NXF1: variants seen among roughly 807,000 people sequenced by gnomAD.
The protein encoded by NXF1 is mRNA export factor TAP.
In NXF1, 43 loss-of-function variants were observed where a neutral mutation model predicts 92.4. That is an observed-to-expected ratio of 0.47 (90% CI 0.36 to 0.60). The LOEUF (loss-of-function observed/expected upper bound fraction) is 0.60, where lower values mean the gene tolerates loss of function less well. Among genes scored for constraint, NXF1 ranks in the 20% least tolerant of loss-of-function variants. NXF1 has a pLI of 0.00. For missense variants in NXF1, 576 were observed against 793.0 expected (o/e 0.73, Z 3.29); for synonymous variants, 288 against 292.2 (o/e 0.99, Z 0.15).
At position 62,803,953 on chromosome 11, in the gene NXF1, G is replaced by A. The variant is rs901577008; in HGVS notation, c.54C>T (p.Phe18=). The change falls in exon 2 of 21, where the codon TTC becomes TTT. Residue 18 remains phenylalanine (F), a synonymous_variant. Transcript: ENST00000294172. ...YSEHDDERVN[F]PQRKKKGRGP... ...CCCGGCCTTTCTTCTTTCTTTGAGG[G>A]AAATTAACGCGTTCATCATCGTGTT... The A allele has an allele frequency of 6.2e-7, 1 of 1,613,838 alleles. No individual in the cohort carries two copies. Among genetic ancestry groups the A allele is most frequent in the African/African-American group, 1.3e-5 (1 of 74,988 alleles).
chr11:62,801,669 G>T (rs183380305), intron 6 of NXF1, 38 bp from the exon 7 acceptor site: 2 of 1,611,294 alleles, frequency 1.2e-6, no homozygotes, highest in East Asian at 2.2e-5. Context: ...CACTGGGTTT[G>T]TGTGTGGGGG....
chr11:62,799,869 C>T, intron 10 of NXF1: 1 of 987,036 alleles, frequency 1.0e-6, no homozygotes, highest in Non-Finnish European at 1.2e-6. Context: ...TGGACAGCAA[C>T]AGCCCTGGGC....
At chr11:62,804,915 G>GT in intron 1 of NXF1, among the ~76,000 whole-genome samples, 1 of 152,176 alleles carries the variant, frequency 6.6e-6, no homozygotes, top group Non-Finnish European at 1.5e-5. Flanking sequence ...CAGTTGATGT[G>GT]TAAGTCTCGA....
intron 19 of NXF1, among the ~76,000 whole-genome samples, chr11:62,793,267 C>T (rs775960515): frequency 2.6e-5 from 4 of 152,122 alleles, no homozygotes; most frequent in South Asian, 2.1e-4. Flanking sequence ...TTAGTAGAGA[C>T]GAGATTTCAC....
intron 18 of NXF1, 46 bp downstream of exon 18, chr11:62,794,889 G>T: frequency 6.5e-7 from 1 of 1,548,696 alleles, no homozygotes; most frequent in Non-Finnish European, 8.9e-7. Context: ...CACACTGTTG[G>T]CCATGGATTA....
chr11:62,800,598 A>C, intron 9 of NXF1, 112 bp from the exon 10 acceptor site: 7 of 627,124 alleles, frequency 1.1e-5, no homozygotes, highest in Admixed American at 3.5e-5. Flanking sequence ...ATCTTTTAAA[A>C]TTTTTTCTTT....
At chr11:62,800,005 C>T (rs2084460995) in intron 10 of NXF1, 6 of 1,017,272 alleles carry the variant, frequency 5.9e-6, no homozygotes, top group Non-Finnish European at 7.1e-6. Flanking sequence ...CCCATGGACA[C>T]CAGGCTCTTG....
chr11:62,800,096 A>G lies in NXF1; in HGVS notation c.1016+281T>C, dbSNP rs895922316. The G allele has an allele frequency of 4.7e-6, 6 of 1,269,320 alleles. No homozygotes were observed. In the African/African-American group the frequency reaches 9.1e-5, roughly 19 times the overall value. 78.6% of individuals were successfully genotyped at this position (1,269,320 alleles called of 1,614,324 possible). Reference sequence around the variant, plus strand: ...AAAGGGGAGATGCCTTTCCTGGAACAACAGGGTAGGGAGATTCTAGAAAAG... The same window carrying G: ...AAAGGGGAGATGCCTTTCCTGGAACGACAGGGTAGGGAGATTCTAGAAAAG... On this transcript the variant is annotated intron_variant, in intron 10 of 20. Transcript: ENST00000294172.
At chr11:62,795,066 C>T (rs192331386) in intron 17 of NXF1, 59 bp from the exon 18 acceptor site, 4 of 1,466,260 alleles carry the variant, frequency 2.7e-6, no homozygotes, top group Admixed American at 3.4e-5. Flanking sequence ...TTACAAACAG[C>T]TTCTTGAATC....
Position 62,803,841 on chromosome 11 carries a change from C to A in NXF1, c.166G>T (p.Asp56Tyr). 6.2e-7 allele frequency: 1 copy of A among 1,614,216 alleles called. No individual in the cohort carries two copies. Among genetic ancestry groups the A allele is most frequent in the South Asian group, 1.1e-5 (1 of 91,084 alleles). The part of the protein sequence containing the change: ...GIRSSRLEED[D>Y]GDVAMSDAQD... Reference sequence around the variant, plus strand: ...GCATCACTCATTGCCACATCTCCATCATCTTCCTCAAGGCGGGAAGACCGA... The same window carrying A: ...GCATCACTCATTGCCACATCTCCATAATCTTCCTCAAGGCGGGAAGACCGA... Residue 56 changes from aspartate (D) to tyrosine (Y), a missense_variant, in exon 2 of 21, where the codon GAT becomes TAT. Asp to Tyr is a radical substitution (Grantham distance 160). Around this residue, in one of 2 missense-constraint regions of NXF1, gnomAD observed 151 missense variants for 157.8 expected, o/e 0.96. Coordinates refer to ENST00000294172, the MANE Select transcript of NXF1 (RefSeq NM_006362.5).
At position 62,797,246 on chromosome 11, in the gene NXF1, C is replaced by G; in HGVS notation, c.1123-8G>C. The stretch of plus-strand genomic sequence containing the variant: ...TGTTCCAAAATAGCTTCCCTGAAAT[C>G]AAACAGGTATTAGGAACATGGAAGC... On this transcript the variant is annotated splice_polypyrimidine_tract_variant and splice_region_variant and intron_variant, in intron 12 of 20. Coordinates refer to ENST00000294172, the MANE Select transcript of NXF1 (RefSeq NM_006362.5). 6.2e-7 allele frequency: 1 copy of G among 1,614,120 alleles called. No individual in the cohort carries two copies. Among genetic ancestry groups the G allele is most frequent in the Non-Finnish European group, 8.5e-7 (1 of 1,179,996 alleles).
chr11:62,798,925 G>C (rs942552625), intron 10 of NXF1: 243 of 1,095,672 alleles, frequency 2.2e-4, no homozygotes, highest in Non-Finnish European at 2.6e-4. Context: ...TGGGGTGGGA[G>C]CCCAGGGGCT....
At chr11:62,795,149 C>G in intron 17 of NXF1, 142 bp from the exon 18 acceptor site, 1 of 742,570 alleles carries the variant, frequency 1.3e-6, no homozygotes, top group African/African-American at 1.7e-5. Context: ...AAGGGAAGCA[C>G]AGGTGGGGTG....
chr11:62,794,348 G>C lies in NXF1; in HGVS notation c.1670C>G (p.Ser557Cys), dbSNP rs773029566. The C allele has an allele frequency of 6.2e-7, 1 of 1,614,172 alleles. No individual in the cohort carries two copies. The highest frequency in any genetic ancestry group is 1.1e-5 in the South Asian group (1 of 91,086). The change falls in exon 19 of 21, where the codon TCC becomes TGC. Residue 557 changes from serine (S) to cysteine (C), a missense_variant. Ser to Cys is a moderately radical substitution (Grantham distance 112, BLOSUM62 -1). Coordinates refer to ENST00000294172, the MANE Select transcript of NXF1 (RefSeq NM_006362.5). ...TGGAGAGAGGGTGGGCACCGGGCTG[G>C]AGGAAGGCGTGGGTGCAGGCATAGC... ...AFAMPAPTPS[S>C]SPVPTLSPEQ...
At position 62,796,285 on chromosome 11, in the gene NXF1, A is replaced by T; in HGVS notation, c.1345+2T>A. 6.2e-7 allele frequency: 1 copy of T among 1,614,068 alleles called. No homozygotes were observed. The highest frequency in any genetic ancestry group is 8.5e-7 in the Non-Finnish European group (1 of 1,180,000). On this transcript the variant is annotated splice_donor_variant, in intron 15 of 20. Transcript: ENST00000294172. LOFTEE classifies it high-confidence loss of function. ...CATATTTTGTTCGTATCACACACTTACTAGGGTCTTTAAGCTTCTTCACAT... is the reference window on the plus strand; with the variant it reads ...CATATTTTGTTCGTATCACACACTTTCTAGGGTCTTTAAGCTTCTTCACAT...
In NXF1 at chr11:62,801,994, G is replaced by A. The variant is rs1477791060; in HGVS notation, c.506C>T (p.Ala169Val). The A allele has an allele frequency of 6.2e-7, 1 of 1,614,232 alleles. No individual in the cohort carries two copies. Among genetic ancestry groups the A allele is most frequent in the Non-Finnish European group, 8.5e-7 (1 of 1,180,048 alleles). The change falls in exon 5 of 21, where the codon GCC (alanine) becomes GTC (valine). Residue 169 changes from alanine (A) to valine (V), a missense_variant. Ala to Val is a moderately conservative substitution (Grantham distance 64). Around this residue, in one of 2 missense-constraint regions of NXF1, gnomAD observed 425 missense variants for 635.2 expected, o/e 0.67. Coordinates refer to ENST00000294172, the MANE Select transcript of NXF1 (RefSeq NM_006362.5). ...ATAGTTGACAGCCTTCAATGCAGAG[G>A]CAGTACTGGCGTCTTCAACGAAGAA... Reference protein sequence around the residue: ...AQFFVEDASTASALKAVNYKI... With the variant: ...AQFFVEDASTVSALKAVNYKI...
rs1010974089 is a variant in NXF1, at chr11:62,803,273, G to T, written c.369+146C>A. On this transcript the variant is annotated intron_variant, in intron 3 of 20. Transcript: ENST00000294172. The stretch of plus-strand genomic sequence containing the variant: ...GGAGGCTGCAGTGAGCCGAGATCAC[G>T]CCACTGTACTCCAGCCTGGGTGACA... 3.1e-5 allele frequency: 19 copies of T among 611,208 alleles called. No individual in the cohort carries two copies. The African/African-American group carries it at 3.3e-4, about 11-fold the overall frequency. 37.9% of individuals were successfully genotyped at this position (611,208 alleles called of 1,614,324 possible).
chr11:62,805,357 G>GC lies in NXF1; in HGVS notation c.-2dup. Reference sequence around the variant, plus strand: ...TGTACGACTTCCCCTCGTCCGCCATGCCACAGCGAAGATCAAGGGCGGGCT... The same window carrying GC: ...TGTACGACTTCCCCTCGTCCGCCATGCCCACAGCGAAGATCAAGGGCGGGCT... On this transcript the variant is annotated 5_prime_UTR_variant, in exon 1 of 21. Coordinates refer to ENST00000294172, the MANE Select transcript of NXF1 (RefSeq NM_006362.5). The GC allele has an allele frequency of 6.2e-7, 1 of 1,611,446 alleles. No homozygotes were observed. Among genetic ancestry groups the GC allele is most frequent in the Non-Finnish European group, 8.5e-7 (1 of 1,178,870 alleles).
At position 62,803,829 on chromosome 11, in the gene NXF1, C is replaced by A; in HGVS notation, c.178G>T (p.Ala60Ser). ...GGACCATCCTGGGCATCACTCATTG[C>A]CACATCTCCATCATCTTCCTCAAGG... ...SRLEEDDGDV[A>S]MSDAQDGPRV... Residue 60 changes from alanine to serine, a missense_variant, in exon 2 of 21, where the codon GCA becomes TCA. Transcript: ENST00000294172. 1 of 1,614,140 alleles carries A rather than the reference C, an allele frequency of 6.2e-7. No individual in the cohort carries two copies. The highest frequency in any genetic ancestry group is 1.3e-5 in the African/African-American group (1 of 75,034).
Sources: allele counts gnomAD v4.1 joint callset (sites outside exome capture counted in the v4.1 genomes callset), GRCh38; gene constraint gnomAD v4.1.1; regional missense constraint gnomAD v4.1.1; transcripts MANE v1.5; gene names NCBI Gene and HGNC (gene_info 2026-07-23, HGNC 2026-07-21).